Variants in HPSE2 observed in about 807,000 individuals in gnomAD.
HPSE2 encodes the protein heparanase 2 (inactive), also known as inactive heparanase-2.
HPSE2 carries 38 observed loss-of-function variants against 60.5 expected under a neutral mutation model. The observed-to-expected ratio is 0.63, with a 90% CI of 0.48 to 0.82. The LOEUF (loss-of-function observed/expected upper bound fraction) is 0.82, where lower values mean the gene tolerates loss of function less well. HPSE2 is among the 40% of genes least tolerant of loss of function. The pLI is 0.00. For missense variants in HPSE2, 713 were observed against 740.4 expected (o/e 0.96, Z 0.43); for synonymous variants, 295 against 293.2 (o/e 1.01, Z -0.06).
chr10:99,205,896 T>C (rs190067168), intron 2 of HPSE2, among the ~76,000 whole-genome samples: 1 of 152,206 alleles, frequency 6.6e-6, no homozygotes, highest in Non-Finnish European at 1.5e-5. Context: ...AAACTACATA[T>C]GGCAGTAAAA....
At chr10:98,997,112 CTTT>C (rs34434956) in intron 3 of HPSE2, among the ~76,000 whole-genome samples, 4 of 119,710 alleles carry the variant, frequency 3.3e-5, no homozygotes, top group African/African-American at 6.4e-5. Flanking sequence ...CAGACCCTTT[CTTT>C]TTTTTTTTTT....
At chr10:99,144,424 G>A in intron 2 of HPSE2, 25 bp from the exon 3 acceptor site, 1 of 1,610,520 alleles carries the variant, frequency 6.2e-7, no homozygotes, top group Non-Finnish European at 8.5e-7. Context: ...AAAGAAGGCA[G>A]GCAGCAAAAA....
chr10:98,888,175 T>C lies in HPSE2; in HGVS notation c.611-144119A>G, dbSNP rs941964517. On this transcript the variant is annotated intron_variant, in intron 3 of 11. Transcript: ENST00000370552. The stretch of plus-strand genomic sequence containing the variant: ...ACACACACACACACACACACACACA[T>C]GCATGATAAGGTCTAAAGAAATCAG... Among the ~76,000 whole-genome samples the C allele has an allele frequency of 7.1e-3, 840 of 118,520 alleles. 7 individuals are homozygous for C. Among genetic ancestry groups the C allele is most frequent in the African/African-American group, 0.027 (779 of 28,350 alleles). The allele number at this position is 118,520 out of a possible 152,430, so 77.8% of individuals were successfully genotyped here.
At chr10:98,749,806 T>C (rs1165793905) in intron 3 of HPSE2, among the ~76,000 whole-genome samples, 1 of 150,572 alleles carries the variant, frequency 6.6e-6, no homozygotes, top group Non-Finnish European at 1.5e-5. Context: ...GTAGGTTAGG[T>C]GTATTAAATG....
At chr10:98,828,876 G>T (rs1279063339) in intron 3 of HPSE2, among the ~76,000 whole-genome samples, 1 of 152,040 alleles carries the variant, frequency 6.6e-6, no homozygotes, top group Non-Finnish European at 1.5e-5. Context: ...AGAACTGAAA[G>T]CAGGAACATG....
chr10:98,833,636 A>G (rs536609541), intron 3 of HPSE2, among the ~76,000 whole-genome samples: 4 of 152,304 alleles, frequency 2.6e-5, no homozygotes, highest in Non-Finnish European at 5.9e-5. Context: ...TGAGACACAG[A>G]TGTTATGCAA....
intron 3 of HPSE2, among the ~76,000 whole-genome samples, chr10:99,128,547 T>C (rs1257173410): frequency 6.6e-6 from 1 of 152,076 alleles, no homozygotes; most frequent in Non-Finnish European, 1.5e-5. Context: ...TGGATGAACC[T>C]GGAAGCCATT....
intron 11 of HPSE2, among the ~76,000 whole-genome samples, chr10:98,462,993 C>T (rs1284316759): frequency 1.3e-5 from 2 of 151,522 alleles, no homozygotes; most frequent in Non-Finnish European, 2.9e-5. Flanking sequence ...GATGGTACCG[C>T]CATTTATCCA....
At chr10:99,236,536 A>G (rs3814145), upstream of HPSE2, among the ~76,000 whole-genome samples, 3,078 of 152,158 alleles carry the variant, frequency 0.02, 114 homozygotes, top group East Asian at 0.15. Flanking sequence ...ATTCCTGTCA[A>G]AGCATAGAGC....
rs775142207 is a variant in HPSE2, at chr10:99,142,362, T to G, written c.610+1876A>C. ...AATTAGAAAACCACACTGTGTAAAA[T>G]CAAAGACTTAGTTAAAGGAAATTAA... On this transcript the variant is annotated intron_variant, in intron 3 of 11. Coordinates refer to ENST00000370552, the MANE Select transcript of HPSE2 (RefSeq NM_021828.5). 2.0e-5 allele frequency among the ~76,000 whole-genome samples: 3 copies of G among 152,202 alleles called. No homozygotes were observed. In the East Asian group the frequency reaches 5.8e-4, roughly 29 times the overall value.
intron 3 of HPSE2, among the ~76,000 whole-genome samples, chr10:99,077,011 C>T (rs1842970810): frequency 6.6e-6 from 1 of 152,184 alleles, no homozygotes; most frequent in East Asian, 1.9e-4. Context: ...TTGTTTCCTT[C>T]AGCACTTTGA....
rs1011442171 is a variant in HPSE2, at chr10:98,721,802, C to G, written c.811G>C (p.Gly271Arg). ...NEPNNYRTMH[G>R]RAVNGSQLGK... ...AACTGGCTGCCATTTACTGCCCGGC[C>G]ATGCATGGTCCGATAGTTATTTGGC... The change falls in exon 5 of 12, where the codon GGC becomes CGC. Residue 271 changes from glycine (G) to arginine (R), a missense_variant. Gly to Arg is a moderately radical substitution (Grantham distance 125). Coordinates refer to ENST00000370552, the MANE Select transcript of HPSE2 (RefSeq NM_021828.5). 3 of 1,613,376 alleles carry G rather than the reference C, an allele frequency of 1.9e-6. No homozygotes were observed. The highest frequency in any genetic ancestry group is 2.5e-6 in the Non-Finnish European group (3 of 1,179,776).
At chr10:99,026,602 T>A (rs976162832) in intron 3 of HPSE2, among the ~76,000 whole-genome samples, 2 of 150,472 alleles carry the variant, frequency 1.3e-5, no homozygotes, top group African/African-American at 5.0e-5. Context: ...TCAGAACTAA[T>A]CTGCACTACA....
At chr10:99,082,501 T>G (rs1256003741) in intron 3 of HPSE2, among the ~76,000 whole-genome samples, 1 of 152,224 alleles carries the variant, frequency 6.6e-6, no homozygotes, top group Non-Finnish European at 1.5e-5. Flanking sequence ...TAAGGGGTCA[T>G]TCATTCCATA....
the HPSE2 span, among the ~76,000 whole-genome samples, chr10:99,305,220 A>G: frequency 6.6e-6 from 1 of 152,200 alleles, no homozygotes; most frequent in Non-Finnish European, 1.5e-5. Context: ...TCTAGTCCCA[A>G]TAAATCTGTG....
At chr10:99,132,440 G>A (rs528663812) in intron 3 of HPSE2, among the ~76,000 whole-genome samples, 1 of 152,186 alleles carries the variant, frequency 6.6e-6, no homozygotes, top group South Asian at 2.1e-4. Flanking sequence ...GGCTGAATGG[G>A]GGATTGCTGG....
At chr10:99,088,591 A>T (rs952544973) in intron 3 of HPSE2, among the ~76,000 whole-genome samples, 1 of 152,156 alleles carries the variant, frequency 6.6e-6, no homozygotes, top group Non-Finnish European at 1.5e-5. Context: ...CATTTTCTTT[A>T]ACCACTCATA....
chr10:99,009,355 G>C (rs954241162), intron 3 of HPSE2, among the ~76,000 whole-genome samples: 19 of 151,856 alleles, frequency 1.3e-4, no homozygotes, highest in African/African-American at 4.4e-4. Flanking sequence ...AGGAGTTTGA[G>C]GCTGCAATGA....
At position 98,563,792 on chromosome 10, in the gene HPSE2, T is replaced by C. The variant is rs1260499837; in HGVS notation, c.1320+51112A>G. On this transcript the variant is annotated intron_variant, in intron 9 of 11. Transcript: ENST00000370552. Reference sequence around the variant, plus strand: ...ACACAACTAGGGTCATTTTCAATATTCAAGATCGTAGTCTGCTTGTTTGGC... The same window carrying C: ...ACACAACTAGGGTCATTTTCAATATCCAAGATCGTAGTCTGCTTGTTTGGC... 2.6e-5 allele frequency among the ~76,000 whole-genome samples: 4 copies of C among 152,158 alleles called. No individual in the cohort carries two copies. The East Asian group carries it at 5.8e-4, about 22-fold the overall frequency.
Sources: gnomAD v4.1 joint callset for allele counts (sites outside exome capture counted in the v4.1 genomes callset) on GRCh38, gnomAD v4.1.1 for gene constraint, MANE v1.5 for transcripts, NCBI Gene and HGNC (gene_info 2026-07-23, HGNC 2026-07-21) for gene names.